The following TMEM63C variants were observed in gnomAD, a reference collection of about 807,000 sequenced individuals.
TMEM63C encodes the protein osmosensitive cation channel TMEM63C.
Under a neutral mutation model 99.2 loss-of-function variants are expected in TMEM63C, and 32 were observed. The ratio of observed to expected loss-of-function variants is 0.32; its 90% CI spans 0.24 to 0.43. TMEM63C has a LOEUF of 0.43. TMEM63C is among the 20% of genes least tolerant of loss of function. TMEM63C has a pLI of 1.00. For synonymous variants in TMEM63C, 376 were observed against 397.9 expected, an observed-to-expected ratio of 0.94 and a Z score of 0.66; for missense variants, 826 against 1,053.0, an observed-to-expected ratio of 0.78 and a Z score of 2.98.
At chr14:77,246,533 A>G in intron 17 of TMEM63C, 76 bp from the exon 18 acceptor site, 5 of 1,282,246 alleles carry the variant, frequency 3.9e-6, no homozygotes, top group Non-Finnish European at 5.6e-6. Context: ...GAGATTGGGC[A>G]AGGGAGGATG....
At chr14:77,203,346 C>G (rs1057335232) in intron 1 of TMEM63C, among the ~76,000 whole-genome samples, 2 of 145,450 alleles carry the variant, frequency 1.4e-5, no homozygotes, top group African/African-American at 2.5e-5. Flanking sequence ...CCTGCCACTT[C>G]ACTCCAGCCT....
rs1477036494 is a variant in TMEM63C, at chr14:77,244,462, T to C, written c.1448+7T>C. 1 of 1,608,338 alleles carries C rather than the reference T, an allele frequency of 6.2e-7. No homozygotes were observed. The highest frequency in any genetic ancestry group is 8.5e-7 in the Non-Finnish European group (1 of 1,175,006). On this transcript the variant is annotated splice_region_variant and intron_variant, in intron 16 of 23. Transcript: ENST00000298351. ...TCGAGGCCCACTGGACCAGGTGACC[T>C]GGGGGCCTCCTCTCGTAGCCCTGTG... is the stretch of plus-strand genomic sequence containing the variant.
At chr14:77,223,548 G>A (rs1377451773) in intron 5 of TMEM63C, among the ~76,000 whole-genome samples, 1 of 152,212 alleles carries the variant, frequency 6.6e-6, no homozygotes, top group African/African-American at 2.4e-5. Context: ...CTGCAGCCCT[G>A]TATCTGCCTC....
intron 6 of TMEM63C, among the ~76,000 whole-genome samples, chr14:77,227,635 C>T (rs1000007630): frequency 2.0e-5 from 3 of 152,158 alleles, no homozygotes; most frequent in Non-Finnish European, 4.4e-5. Flanking sequence ...AGTGCCTCAT[C>T]GAGGCGGGAG....
chr14:77,209,879 C>T (rs1191791688), intron 1 of TMEM63C, among the ~76,000 whole-genome samples: 1 of 152,048 alleles, frequency 6.6e-6, no homozygotes, highest in Non-Finnish European at 1.5e-5. Context: ...GAGCCTGGAA[C>T]TTCCAGTGAA....
At chr14:77,227,362 G>A (rs1314319588) in intron 6 of TMEM63C, among the ~76,000 whole-genome samples, 2 of 152,146 alleles carry the variant, frequency 1.3e-5, no homozygotes, top group Non-Finnish European at 2.9e-5. Flanking sequence ...TTGTGGCCTA[G>A]TTAAGAAAGA....
intron 5 of TMEM63C, among the ~76,000 whole-genome samples, chr14:77,221,293 CT>C (rs1566623664): frequency 1.4e-4 from 1 of 7,352 alleles, no homozygotes. Flanking sequence ...CCACTCACGC[CT>C]TCCCTCCCCC....
intron 2 of TMEM63C, among the ~76,000 whole-genome samples, chr14:77,215,114 T>A (rs1888557631): frequency 6.6e-6 from 1 of 152,158 alleles, no homozygotes; most frequent in Admixed American, 6.5e-5. Flanking sequence ...CTGGCTGCTC[T>A]CGTCAATTCA....
At chr14:77,233,972 C>T (rs1888991374) in intron 8 of TMEM63C, among the ~76,000 whole-genome samples, 1 of 152,146 alleles carries the variant, frequency 6.6e-6, no homozygotes, top group South Asian at 2.1e-4. Context: ...AGTGCACCCC[C>T]AACACTGAGC....
chr14:77,188,903 GA>G (rs1888052431), intron 1 of TMEM63C, among the ~76,000 whole-genome samples: 2 of 152,022 alleles, frequency 1.3e-5, no homozygotes, highest in African/African-American at 4.8e-5. Flanking sequence ...ATAGAATAAT[GA>G]ATAAAACTAT....
At chr14:77,209,318 C>T (rs1322298683) in intron 1 of TMEM63C, among the ~76,000 whole-genome samples, 7 of 152,118 alleles carry the variant, frequency 4.6e-5, no homozygotes, top group Non-Finnish European at 1.0e-4. Context: ...AACTTGGTAG[C>T]CAATGTGCGC....
Position 77,249,368 on chromosome 14 carries a change from G to A in TMEM63C, c.1948G>A (p.Glu650Lys), listed in dbSNP as rs758271321. The A allele has an allele frequency of 1.2e-5, 20 of 1,613,834 alleles. No homozygotes were observed. Among genetic ancestry groups the A allele is most frequent in the African/African-American group, 9.3e-5 (7 of 74,912 alleles). Reference sequence around the variant, plus strand: ...CTCCTTTGCACCCACCAAACTGAACGAGCAGATCCACATGGCTGCCGTCTC... The same window carrying A: ...CTCCTTTGCACCCACCAAACTGAACAAGCAGATCCACATGGCTGCCGTCTC... ...YYSFAPTKLN[E>K]QIHMAAVSQA... The change falls in exon 21 of 24, where the codon GAG becomes AAG. Residue 650 changes from glutamate (E) to lysine (K), a missense_variant. By Grantham distance (56) the Glu-to-Lys change is moderately conservative. Coordinates refer to ENST00000298351, the MANE Select transcript of TMEM63C (RefSeq NM_020431.4).
chr14:77,185,891 C>T (rs1477271856), intron 1 of TMEM63C, among the ~76,000 whole-genome samples: 1 of 152,090 alleles, frequency 6.6e-6, no homozygotes, highest in African/African-American at 2.4e-5. Flanking sequence ...TGGGAGGAAG[C>T]GGAAAGGTGC....
In TMEM63C at chr14:77,242,330, T is replaced by G; in HGVS notation, c.1065-17T>G. On this transcript the variant is annotated splice_polypyrimidine_tract_variant and intron_variant, in intron 13 of 23. Coordinates refer to ENST00000298351, the MANE Select transcript of TMEM63C (RefSeq NM_020431.4). ...ACCCCCAGACCCACATTTCTTCCTC[T>G]TCTCCCCTCTCTGCAGTGTCCGTAA... 4 of 1,537,640 alleles carry G rather than the reference T, an allele frequency of 2.6e-6. No individual in the cohort carries two copies. Among genetic ancestry groups the G allele is most frequent in the Non-Finnish European group, 3.6e-6 (4 of 1,123,590 alleles).
chr14:77,202,858 CA>C (rs1457083926), intron 1 of TMEM63C, among the ~76,000 whole-genome samples: 14 of 82,040 alleles, frequency 1.7e-4, no homozygotes, highest in East Asian at 1.1e-3. Context: ...CACACACACA[CA>C]CACACACGCA....
chr14:77,208,449 C>T (rs1043177901), intron 1 of TMEM63C, among the ~76,000 whole-genome samples: 1 of 152,200 alleles, frequency 6.6e-6, no homozygotes, highest in African/African-American at 2.4e-5. Flanking sequence ...TTCCTGTCCT[C>T]GGCATGGCTT....
intron 1 of TMEM63C, among the ~76,000 whole-genome samples, chr14:77,183,721 G>C (rs1414372559): frequency 6.6e-6 from 1 of 152,178 alleles, no homozygotes. Flanking sequence ...AACCCCTGAC[G>C]CTGGCCCCTG....
chr14:77,219,613 CT>C, intron 4 of TMEM63C, 36 bp downstream of exon 4: 1 of 1,608,880 alleles, frequency 6.2e-7, no homozygotes, highest in Non-Finnish European at 8.5e-7. Flanking sequence ...CCGTTGCCCC[CT>C]TGGGGAAAAC....
At chr14:77,241,097 C>A (rs1206761569) in intron 13 of TMEM63C, among the ~76,000 whole-genome samples, 1 of 151,980 alleles carries the variant, frequency 6.6e-6, no homozygotes, top group African/African-American at 2.4e-5. Context: ...ATTACAGGTG[C>A]CTGCCACCAT....
Sources: gnomAD v4.1 joint callset for allele counts (sites outside exome capture counted in the v4.1 genomes callset) on GRCh38, gnomAD v4.1.1 for gene constraint, MANE v1.5 for transcripts, NCBI Gene and HGNC (gene_info 2026-07-23, HGNC 2026-07-21) for gene names.